CCDC122: variants seen among roughly 807,000 people sequenced by gnomAD.
CCDC122 encodes coiled-coil domain-containing protein 122.
CCDC122 carries 38 observed loss-of-function variants against 37.0 expected under a neutral mutation model. That is an observed-to-expected ratio of 1.03 (90% CI 0.79 to 1.35). CCDC122 has a LOEUF of 1.35. CCDC122 is among the 40% of genes most tolerant of loss of function. CCDC122 has a pLI of 0.00. For synonymous variants in CCDC122, 83 were observed against 95.6 expected (o/e 0.87, Z 0.77); for missense variants, 305 against 310.0 (o/e 0.98, Z 0.12).
chr13:43,858,797 A>G lies in CCDC122; in HGVS notation c.656T>C (p.Leu219Ser), dbSNP rs1185609743. ...LEEEKKTHEK[L>S]RKEIEVQHKR... ...AAGACTTACCTCTATTTCTTTTCTTAATTTTTCATGTGTCTTTTTTTCTTC... is the reference window on the plus strand; with the variant it reads ...AAGACTTACCTCTATTTCTTTTCTTGATTTTTCATGTGTCTTTTTTTCTTC... Residue 219 changes from leucine to serine, a missense_variant, in exon 6 of 7, where the codon TTA becomes TCA. Transcript: ENST00000444614. 7.0e-7 allele frequency: 1 copy of G among 1,421,766 alleles called. No homozygotes were observed. Among genetic ancestry groups the G allele is most frequent in the Admixed American group, 2.3e-5 (1 of 43,450 alleles). 88.1% of individuals were successfully genotyped at this position (1,421,766 alleles called of 1,614,324 possible).
In CCDC122 at chr13:43,859,898, T is replaced by C. The variant is rs764302667; in HGVS notation, c.329A>G (p.Asp110Gly). 7 of 1,608,314 alleles carry C rather than the reference T, an allele frequency of 4.4e-6. No homozygotes were observed. The highest frequency in any genetic ancestry group is 1.3e-5 in the African/African-American group (1 of 74,684). The change falls in exon 5 of 7, where the codon GAC becomes GGC. Residue 110 changes from aspartate to glycine, a missense_variant. Transcript: ENST00000444614. The part of the protein sequence containing the change: ...LHSENVKLKF[D>G]IETAQEDFEE... ...AAAATCTTCTTGGGCTGTTTCTATG[T>C]CAAATTTAAGCTTTACATTTTCTGA...
chr13:43,852,539 T>A lies in CCDC122; in HGVS notation c.672+6242A>T, dbSNP rs555454433. 3.3e-5 allele frequency among the ~76,000 whole-genome samples: 5 copies of A among 151,946 alleles called. No homozygotes were observed. In the East Asian group the frequency reaches 9.7e-4, roughly 30 times the overall value. Reference sequence around the variant, plus strand: ...GAGTCCCTAAAAGAGATGGGGAGAATGGAACCAACTTGGAAAACATATTTC... The same window carrying A: ...GAGTCCCTAAAAGAGATGGGGAGAAAGGAACCAACTTGGAAAACATATTTC... On this transcript the variant is annotated intron_variant, in intron 6 of 6. Transcript: ENST00000444614.
At chr13:43,832,723 T>C (rs1331512972), downstream of CCDC122, among the ~76,000 whole-genome samples, 1 of 152,212 alleles carries the variant, frequency 6.6e-6, no homozygotes, top group Non-Finnish European at 1.5e-5. Context: ...GTCCTTGGAA[T>C]CATTTTCTTG....
At chr13:43,820,492 C>G (rs1200674927), downstream of CCDC122, among the ~76,000 whole-genome samples, 6 of 152,046 alleles carry the variant, frequency 3.9e-5, no homozygotes, top group African/African-American at 1.4e-4. Flanking sequence ...TCTCACTGGT[C>G]AAAGATAGGG....
chr13:43,843,488 C>G (rs1329314169), intron 6 of CCDC122, among the ~76,000 whole-genome samples: 1 of 151,912 alleles, frequency 6.6e-6, no homozygotes, highest in Non-Finnish European at 1.5e-5. Flanking sequence ...TGCATCTATA[C>G]TCATGAGGGA....
chr13:43,862,992 CCTT>C (rs1195396277), intron 4 of CCDC122, among the ~76,000 whole-genome samples: 2 of 151,716 alleles, frequency 1.3e-5, no homozygotes, highest in African/African-American at 2.4e-5. Flanking sequence ...ATCCTTTTCC[CCTT>C]CTTCTCTCTC....
chr13:43,844,028 G>A (rs1822969), intron 6 of CCDC122, among the ~76,000 whole-genome samples: 78,483 of 151,154 alleles, frequency 0.52, 20,748 homozygotes, highest in Middle Eastern at 0.62. Context: ...TCGTTTTTCT[G>A]TTTTCTATTT....
At chr13:43,860,426 G>A (rs1391361113) in intron 4 of CCDC122, among the ~76,000 whole-genome samples, 6 of 152,074 alleles carry the variant, frequency 3.9e-5, no homozygotes, top group Non-Finnish European at 8.8e-5. Flanking sequence ...ATAAAGCCCT[G>A]AGTTAAGAAT....
chr13:43,871,532 T>A (rs1480673731), intron 2 of CCDC122, among the ~76,000 whole-genome samples: 13 of 152,150 alleles, frequency 8.5e-5, no homozygotes, highest in Admixed American at 8.5e-4. Context: ...CAGGTCATTC[T>A]TCATCATAAG....
chr13:43,821,608 A>G (rs1432919862), downstream of CCDC122, among the ~76,000 whole-genome samples: 1 of 152,164 alleles, frequency 6.6e-6, no homozygotes, highest in Non-Finnish European at 1.5e-5. Flanking sequence ...TTTAAGGCCA[A>G]TAACTCTTAG....
intron 6 of CCDC122, among the ~76,000 whole-genome samples, chr13:43,837,667 G>A (rs1426531545): frequency 6.7e-6 from 1 of 148,456 alleles, no homozygotes; most frequent in African/African-American, 2.6e-5. Context: ...CTTATGATAT[G>A]GGTATTATTA....
intron 4 of CCDC122, among the ~76,000 whole-genome samples, chr13:43,861,751 G>C (rs1954111256): frequency 6.6e-6 from 1 of 152,098 alleles, no homozygotes; most frequent in African/African-American, 2.4e-5. Context: ...ATGCTCACTT[G>C]ACATTTTTAT....
chr13:43,837,497 T>C, intron 6 of CCDC122, 68 bp from the exon 7 acceptor site: 2 of 1,388,748 alleles, frequency 1.4e-6, no homozygotes, highest in South Asian at 1.4e-5. Context: ...ATAAATAATA[T>C]TTTGACTACT....
chr13:43,847,026 T>C (rs1234327682), intron 6 of CCDC122, among the ~76,000 whole-genome samples: 6 of 152,240 alleles, frequency 3.9e-5, no homozygotes, highest in African/African-American at 1.4e-4. Context: ...TTGTTTATTA[T>C]GTTTGCTACA....
intron 1 of CCDC122, among the ~76,000 whole-genome samples, chr13:43,876,418 C>T (rs1413851341): frequency 6.6e-6 from 1 of 152,158 alleles, no homozygotes; most frequent in African/African-American, 2.4e-5. Context: ...CCTTAATAGC[C>T]AGGCACTATC....
intron 3 of CCDC122, among the ~76,000 whole-genome samples, chr13:43,825,395 A>T (rs754133245): frequency 4.6e-5 from 7 of 152,130 alleles, no homozygotes; most frequent in African/African-American, 9.7e-5. Context: ...CTCTAAAAGG[A>T]GGGGGTAGGG....
chr13:43,821,717 C>A (rs1045182835), downstream of CCDC122, among the ~76,000 whole-genome samples: 1 of 151,962 alleles, frequency 6.6e-6, no homozygotes, highest in Non-Finnish European at 1.5e-5. Flanking sequence ...TTTTCAAATA[C>A]CTCATCTTCA....
At chr13:43,821,551 C>T (rs142622497), downstream of CCDC122, among the ~76,000 whole-genome samples, 67 of 152,264 alleles carry the variant, frequency 4.4e-4, no homozygotes, top group East Asian at 0.012. Flanking sequence ...AAGTTCTCTG[C>T]TCTTATCCCT....
At chr13:43,866,402 G>C (rs1555392369) in intron 4 of CCDC122, among the ~76,000 whole-genome samples, 2 of 152,066 alleles carry the variant, frequency 1.3e-5, no homozygotes, top group Non-Finnish European at 2.9e-5. Flanking sequence ...CTTCAAAATT[G>C]TTTTGGATAT....
Sources: gnomAD v4.1 joint callset for allele counts (sites outside exome capture counted in the v4.1 genomes callset) on GRCh38, gnomAD v4.1.1 for gene constraint, MANE v1.5 for transcripts, NCBI Gene and HGNC (gene_info 2026-07-23, HGNC 2026-07-21) for gene names.